CRAMP1: variants seen among roughly 807,000 people sequenced by gnomAD.
CRAMP1 encodes the protein cramped chromatin regulator 1.
Under a neutral mutation model 115.4 loss-of-function variants are expected in CRAMP1, and 50 were observed. That is an observed-to-expected ratio of 0.43 (90% confidence interval 0.35 to 0.55). CRAMP1 has a LOEUF of 0.55. Among genes scored for constraint, CRAMP1 ranks in the 20% least tolerant of loss-of-function variants. The pLI is 0.01. For missense variants in CRAMP1, 1,679 were observed against 1,721.7 expected, an observed-to-expected ratio of 0.98 and a Z score of 0.44; for synonymous variants, 866 against 745.4, an observed-to-expected ratio of 1.16 and a Z score of -2.64.
intron 2 of CRAMP1, among the ~76,000 whole-genome samples, chr16:1,616,292 C>T (rs745337619): frequency 6.6e-6 from 1 of 152,136 alleles, no homozygotes; most frequent in Admixed American, 6.5e-5. Flanking sequence ...GTTTGTTGTT[C>T]ATGGTTCAGA....
rs1596480704 is a variant in CRAMP1, at chr16:1,617,946, T to G, written c.346+2961T>G. ...CCTGAAGTAGATTGTTTAAGTCACA[T>G]GCTCAACCTAAACTCAAGGTAAGCT... On this transcript the variant is annotated intron_variant, in intron 2 of 20. Coordinates refer to ENST00000397412, the MANE Select transcript of CRAMP1 (RefSeq NM_020825.4). Among the ~76,000 whole-genome samples, 3 of 152,366 alleles carry G rather than the reference T, an allele frequency of 2.0e-5. No homozygotes were observed. The East Asian group carries it at 5.8e-4, about 29-fold the overall frequency.
At chr16:1,661,840 C>T (rs1236067816) in intron 11 of CRAMP1, among the ~76,000 whole-genome samples, 1 of 152,138 alleles carries the variant, frequency 6.6e-6, no homozygotes, top group African/African-American at 2.4e-5. Context: ...TGATTTACAG[C>T]AGCACTGACA....
In CRAMP1 at chr16:1,677,540, A is replaced by C. The variant is rs867361869; in HGVS notation, c.*3495A>C. Reference sequence around the variant, plus strand: ...GCTGTCAGCGCTCTCCTGATGTCACAGTGGCTGCGTGTCCTTGGGGTGGGT... The same window carrying C: ...GCTGTCAGCGCTCTCCTGATGTCACCGTGGCTGCGTGTCCTTGGGGTGGGT... On this transcript the variant is annotated 3_prime_UTR_variant, in exon 21 of 21. Coordinates refer to ENST00000397412, the MANE Select transcript of CRAMP1 (RefSeq NM_020825.4). 5.2e-5 allele frequency: 8 copies of C among 152,756 alleles called. No homozygotes were observed. Among genetic ancestry groups the C allele is most frequent in the Middle Eastern group, 3.4e-3 (1 of 296 alleles). 9.5% of individuals were successfully genotyped at this position (152,756 alleles called of 1,614,324 possible).
At chr16:1,632,123 C>A in intron 3 of CRAMP1, 89 bp from the exon 4 acceptor site, 1 of 1,396,438 alleles carries the variant, frequency 7.2e-7, no homozygotes, top group Non-Finnish European at 9.6e-7. Flanking sequence ...CTCCTTTCTC[C>A]TTTCTCGGAA....
rs941918248 is a variant in CRAMP1 at position 1,613,955 on chromosome 16, G to A, written c.-1-684G>A. Among the ~76,000 whole-genome samples the A allele has an allele frequency of 3.3e-5, 5 of 152,174 alleles. No homozygotes were observed. In the South Asian group the frequency reaches 8.3e-4, roughly 25 times the overall value. Reference sequence around the variant, plus strand: ...GTGTTTTAAAATAAGCAGGCGGGCCGGCGGCATTGGGCCACCATGGAGTTC... The same window carrying A: ...GTGTTTTAAAATAAGCAGGCGGGCCAGCGGCATTGGGCCACCATGGAGTTC... On this transcript the variant is annotated intron_variant, in intron 1 of 20. Coordinates refer to ENST00000397412, the MANE Select transcript of CRAMP1 (RefSeq NM_020825.4).
chr16:1,653,842 CAAAA>C (rs1325938799), intron 8 of CRAMP1, among the ~76,000 whole-genome samples: 84 of 135,092 alleles, frequency 6.2e-4, no homozygotes, highest in East Asian at 2.2e-3. Context: ...AAAAAACAAA[CAAAA>C]AAGAAATTGA....
At chr16:1,635,770 T>C (rs887561886) in intron 4 of CRAMP1, among the ~76,000 whole-genome samples, 4 of 152,238 alleles carry the variant, frequency 2.6e-5, no homozygotes, top group Admixed American at 2.6e-4. Context: ...TGCCACTCTC[T>C]AGTTGCAGAA....
At chr16:1,613,706 T>C (rs1212696176) in intron 1 of CRAMP1, among the ~76,000 whole-genome samples, 3 of 152,190 alleles carry the variant, frequency 2.0e-5, no homozygotes, top group Non-Finnish European at 4.4e-5. Flanking sequence ...GCAATAATTT[T>C]ATTAATTGTT....
At chr16:1,639,757 A>T (rs113930935) in intron 5 of CRAMP1, among the ~76,000 whole-genome samples, 86 of 152,236 alleles carry the variant, frequency 5.6e-4, no homozygotes, top group Middle Eastern at 3.4e-3. Flanking sequence ...ATGAAGAAAG[A>T]AGGGGAGGGG....
In CRAMP1 at chr16:1,673,939, G is replaced by A. The variant is rs751287265; in HGVS notation, c.3704G>A (p.Arg1235Gln). Residue 1235 changes from arginine (R) to glutamine (Q), a missense_variant, in exon 21 of 21, where the codon CGG becomes CAG. Physicochemically the swap from Arg to Gln is conservative, Grantham distance 43 (BLOSUM62 1). Around this residue, in one of 8 missense-constraint regions of CRAMP1, gnomAD observed 709 missense variants for 741.9 expected, o/e 0.96. Coordinates refer to ENST00000397412, the MANE Select transcript of CRAMP1 (RefSeq NM_020825.4). The stretch of plus-strand genomic sequence containing the variant: ...GAAAACAGCATTGATTACATTTCTC[G>A]GTTCAATGACCTGGCCCAAGAGCTG... ...MNENSIDYIS[R>Q]FNDLAQELSI... 1.2e-5 allele frequency: 19 copies of A among 1,613,620 alleles called. No homozygotes were observed. The highest frequency in any genetic ancestry group is 6.7e-5 in the East Asian group (3 of 44,892).
intron 6 of CRAMP1, 44 bp from the exon 7 acceptor site, chr16:1,652,452 G>T: frequency 1.3e-6 from 2 of 1,514,292 alleles, no homozygotes; most frequent in Non-Finnish European, 1.8e-6. Context: ...CCGTCCTTCT[G>T]TTCACTCACA....
At chr16:1,612,925 C>T (rs558173762) in intron 1 of CRAMP1, among the ~76,000 whole-genome samples, 1 of 151,988 alleles carries the variant, frequency 6.6e-6, no homozygotes, top group Non-Finnish European at 1.5e-5. Flanking sequence ...GCTTGTTGGC[C>T]CTTAGGGTAA....
chr16:1,643,125 C>T (rs554894988), intron 6 of CRAMP1, among the ~76,000 whole-genome samples: 72 of 152,202 alleles, frequency 4.7e-4, no homozygotes, highest in African/African-American at 1.5e-3. Flanking sequence ...AGGGACAACT[C>T]GGGGGGCTTT....
chr16:1,623,788 C>A (rs183099955), intron 2 of CRAMP1, among the ~76,000 whole-genome samples: 2 of 152,164 alleles, frequency 1.3e-5, no homozygotes, highest in East Asian at 3.9e-4. Flanking sequence ...CCATCATCTG[C>A]GGAAGCACCA....
chr16:1,658,231 C>T (rs1184775615), intron 10 of CRAMP1, among the ~76,000 whole-genome samples: 1 of 151,698 alleles, frequency 6.6e-6, no homozygotes, highest in Non-Finnish European at 1.5e-5. Flanking sequence ...GAGACTGAGC[C>T]CAACCCTCAG....
intron 4 of CRAMP1, among the ~76,000 whole-genome samples, chr16:1,635,803 A>T (rs569180269): frequency 2.0e-5 from 3 of 152,158 alleles, no homozygotes; most frequent in East Asian, 3.9e-4. Flanking sequence ...CCAGGAGGAA[A>T]CCCTGTGCCC....
rs2036711498 is a variant in CRAMP1 at position 1,650,214 on chromosome 16, ATTGCAGCTTTGT to A, written c.828-2279_828-2268del. The stretch of plus-strand genomic sequence containing the variant: ...CTAGGACCCTTTTAAAAGGATGGGG[ATTGCAGCTTTGT>A]TTACTGGGATGTGGAGATTGTGGTG... On this transcript the variant is annotated intron_variant, in intron 6 of 20. Coordinates refer to ENST00000397412, the MANE Select transcript of CRAMP1 (RefSeq NM_020825.4). Among the ~76,000 whole-genome samples the A allele has an allele frequency of 2.6e-5, 4 of 152,128 alleles. No homozygotes were observed. In the South Asian group the frequency reaches 8.3e-4, roughly 31 times the overall value.
In CRAMP1 at chr16:1,668,162, CATT is replaced by C. The variant is rs2036892527; in HGVS notation, c.3304_3306del (p.Ile1102del). The C allele has an allele frequency of 3.1e-6, 5 of 1,613,628 alleles. No individual in the cohort carries two copies. The highest frequency in any genetic ancestry group is 4.2e-6 in the Non-Finnish European group (5 of 1,179,834). On this transcript the variant is annotated inframe_deletion, in exon 18 of 21. Transcript: ENST00000397412. The stretch of plus-strand genomic sequence containing the variant: ...CTGCCACACACATTAGCGACTCCAT[CATT>C]GAGATCGCCATCAGCTCCGGTCAGT...
At chr16:1,618,916 AT>A (rs2036443228) in intron 2 of CRAMP1, among the ~76,000 whole-genome samples, 1 of 152,216 alleles carries the variant, frequency 6.6e-6, no homozygotes, top group South Asian at 2.1e-4. Flanking sequence ...AAATTTGAAC[AT>A]TGGTTTGAAG....
Sources: allele counts gnomAD v4.1 joint callset (sites outside exome capture counted in the v4.1 genomes callset), GRCh38; gene constraint gnomAD v4.1.1; regional missense constraint gnomAD v4.1.1; transcripts MANE v1.5; gene names NCBI Gene and HGNC (gene_info 2026-07-23, HGNC 2026-07-21).